Variants in CCDC60 observed in about 807,000 individuals in gnomAD.
The protein encoded by CCDC60 is coiled-coil domain containing 60.
Under a neutral mutation model 63.5 loss-of-function variants are expected in CCDC60, and 54 were observed. The ratio of observed to expected loss-of-function variants is 0.85; its 90% confidence interval spans 0.68 to 1.07. CCDC60 has a LOEUF of 1.07. CCDC60 is among the 50% of genes least tolerant of loss of function. The pLI is 0.00. For missense variants in CCDC60, 651 were observed against 684.3 expected (o/e 0.95, Z 0.54); for synonymous variants, 206 against 238.8 (o/e 0.86, Z 1.27).
At chr12:119,463,479 C>T (rs947913903) in intron 2 of CCDC60, among the ~76,000 whole-genome samples, 1 of 152,204 alleles carries the variant, frequency 6.6e-6, no homozygotes, top group Non-Finnish European at 1.5e-5. Flanking sequence ...TCTTTCCTGA[C>T]CACAGTTTCC....
intron 1 of CCDC60, among the ~76,000 whole-genome samples, chr12:119,414,310 C>T (rs547985946): frequency 1.4e-4 from 21 of 152,290 alleles, no homozygotes; most frequent in East Asian, 9.7e-4. Flanking sequence ...TGAGCCACCA[C>T]GCCCGGCCAC....
At chr12:119,491,992 C>T (rs1951600192) in intron 5 of CCDC60, among the ~76,000 whole-genome samples, 1 of 152,156 alleles carries the variant, frequency 6.6e-6, no homozygotes, top group Admixed American at 6.5e-5. Flanking sequence ...GTAGTGGTCA[C>T]ATTGAGAGTA....
chr12:119,349,582 G>T (rs1157915500), intron 1 of CCDC60, among the ~76,000 whole-genome samples: 1 of 151,784 alleles, frequency 6.6e-6, no homozygotes, highest in Non-Finnish European at 1.5e-5. Context: ...CAGATGATCT[G>T]CCCATCTCAG....
intron 1 of CCDC60, among the ~76,000 whole-genome samples, chr12:119,345,231 C>T (rs1039546204): frequency 3.9e-5 from 6 of 152,126 alleles, no homozygotes; most frequent in Non-Finnish European, 5.9e-5. Context: ...AGGCTGGGCA[C>T]GGTGGCTCAT....
chr12:119,349,169 T>G (rs1317474900), intron 1 of CCDC60, among the ~76,000 whole-genome samples: 2 of 151,810 alleles, frequency 1.3e-5, no homozygotes, highest in African/African-American at 4.8e-5. Context: ...TTACTGGGGG[T>G]GGGTGGGTTG....
At chr12:119,398,838 G>A (rs1183744753) in intron 1 of CCDC60, among the ~76,000 whole-genome samples, 1 of 152,170 alleles carries the variant, frequency 6.6e-6, no homozygotes, top group African/African-American at 2.4e-5. Flanking sequence ...TATTGGCAGA[G>A]CCCAGAATTG....
At chr12:119,356,231 C>T (rs2136159169) in intron 1 of CCDC60, among the ~76,000 whole-genome samples, 1 of 152,236 alleles carries the variant, frequency 6.6e-6, no homozygotes, top group Admixed American at 6.5e-5. Context: ...CCATTTACTC[C>T]TGGAACCAGC....
chr12:119,381,343 G>A (rs536934533), intron 1 of CCDC60, among the ~76,000 whole-genome samples: 1 of 152,270 alleles, frequency 6.6e-6, no homozygotes, highest in South Asian at 2.1e-4. Context: ...GATGAACTGA[G>A]CCATGATGAC....
At chr12:119,484,734 T>C (rs1234331796) in intron 4 of CCDC60, among the ~76,000 whole-genome samples, 2 of 152,106 alleles carry the variant, frequency 1.3e-5, no homozygotes, top group Non-Finnish European at 2.9e-5. Context: ...AAAAAAAGAA[T>C]TGTGCTCAAG....
At chr12:119,473,072 T>C (rs548346929) in intron 3 of CCDC60, among the ~76,000 whole-genome samples, 2 of 152,360 alleles carry the variant, frequency 1.3e-5, no homozygotes, top group East Asian at 1.9e-4. Context: ...GGTGCTATCA[T>C]TGGCCCCATT....
rs1324118692 is a variant in CCDC60 at position 119,523,743 on chromosome 12, C to T, written c.1154C>T (p.Thr385Ile). The T allele has an allele frequency of 2.5e-6, 4 of 1,614,074 alleles. No individual in the cohort carries two copies. In the African/African-American group the frequency reaches 5.3e-5, roughly 22 times the overall value. The stretch of plus-strand genomic sequence containing the variant: ...CACTACAAGAGTGGGGTGTGTAACA[C>T]CATGAGGGCCAAGTTTTACAGCGTA... ...NIHYKSGVCN[T>I]MRAKFYSVAQ... Residue 385 changes from threonine to isoleucine, a missense_variant, in exon 11 of 14, where the codon ACC becomes ATC. Physicochemically the swap from Thr to Ile is moderately conservative, Grantham distance 89. Coordinates refer to ENST00000327554, the MANE Select transcript of CCDC60 (RefSeq NM_178499.5).
chr12:119,505,484 A>G (rs756703379), intron 7 of CCDC60, among the ~76,000 whole-genome samples, 181 bp downstream of exon 7: 1 of 152,234 alleles, frequency 6.6e-6, no homozygotes, highest in Non-Finnish European at 1.5e-5. Context: ...AATATACTCC[A>G]TAACTTGGGT....
chr12:119,537,831 C>T (rs565040094), intron 13 of CCDC60, among the ~76,000 whole-genome samples: 19 of 152,318 alleles, frequency 1.2e-4, no homozygotes, highest in African/African-American at 4.6e-4. Flanking sequence ...TGTCAGTTGG[C>T]CCCTACTGGG....
intron 1 of CCDC60, among the ~76,000 whole-genome samples, chr12:119,403,237 A>G (rs1017378901): frequency 9.9e-5 from 15 of 152,142 alleles, no homozygotes; most frequent in African/African-American, 3.6e-4. Flanking sequence ...AGACTCATGA[A>G]AAAATAAGAT....
intron 1 of CCDC60, among the ~76,000 whole-genome samples, chr12:119,368,616 C>T (rs926317470): frequency 2.0e-5 from 3 of 152,162 alleles, no homozygotes; most frequent in African/African-American, 7.2e-5. Context: ...TTGGGTTTGT[C>T]ATCAGCAGCT....
At chr12:119,387,034 T>TCACACACA (rs1555233707) in intron 1 of CCDC60, among the ~76,000 whole-genome samples, 49 of 105,444 alleles carry the variant, frequency 4.6e-4, no homozygotes, top group East Asian at 3.1e-3. Flanking sequence ...TCTGTCTCTC[T>TCACACACA]CACACACACA....
At chr12:119,350,654 T>C (rs1018041463) in intron 1 of CCDC60, among the ~76,000 whole-genome samples, 2 of 152,200 alleles carry the variant, frequency 1.3e-5, no homozygotes, top group African/African-American at 4.8e-5. Flanking sequence ...TAAAATTGGC[T>C]CATTCTGAAG....
intron 1 of CCDC60, among the ~76,000 whole-genome samples, chr12:119,373,355 C>T (rs1299958490): frequency 6.6e-6 from 1 of 152,074 alleles, no homozygotes; most frequent in Non-Finnish European, 1.5e-5. Context: ...CACTCTAAAC[C>T]CCACCGGCAG....
intron 2 of CCDC60, among the ~76,000 whole-genome samples, chr12:119,453,415 A>AT (rs1171575368): frequency 9.8e-5 from 15 of 152,366 alleles, no homozygotes; most frequent in Admixed American, 5.2e-4. Flanking sequence ...AGGCTTCTGC[A>AT]TGTCATTTCC....
Sources: allele counts gnomAD v4.1 joint callset (sites outside exome capture counted in the v4.1 genomes callset), GRCh38; gene constraint gnomAD v4.1.1; transcripts MANE v1.5; gene names NCBI Gene and HGNC (gene_info 2026-07-23, HGNC 2026-07-21).